The following SVBP variants were observed in gnomAD, a reference collection of about 807,000 sequenced individuals.
SVBP encodes small vasohibin binding protein.
SVBP carries 9 observed loss-of-function variants against 9.2 expected under a neutral mutation model. The ratio of observed to expected loss-of-function variants is 0.98; its 90% CI spans 0.59 to 1.71. The LOEUF (loss-of-function observed/expected upper bound fraction) is 1.71, where lower values mean the gene tolerates loss of function less well. SVBP is among the 40% of genes most tolerant of loss of function. The probability of loss-of-function intolerance (pLI) is 0.00; values close to 1 mark genes in which losing one functional copy is unlikely to be tolerated. For synonymous variants in SVBP, 27 were observed against 23.9 expected, an observed-to-expected ratio of 1.13 and a Z score of -0.37; for missense variants, 63 against 73.2, an observed-to-expected ratio of 0.86 and a Z score of 0.51.
intron 2 of SVBP, among the ~76,000 whole-genome samples, chr1:42,811,030 TC>T (rs1163474124): frequency 6.6e-6 from 1 of 152,038 alleles, no homozygotes; most frequent in African/African-American, 2.4e-5. Flanking sequence ...TCCCAGCTAC[TC>T]AGGAGGCTGA....
Position 42,817,273 on chromosome 1 carries a change from G to T in SVBP, c.-120C>A. 8.1e-7 allele frequency: 1 copy of T among 1,232,626 alleles called. No homozygotes were observed. Among genetic ancestry groups the T allele is most frequent in the Non-Finnish European group, 1.0e-6 (1 of 958,562 alleles). The allele number at this position is 1,232,626 out of a possible 1,614,324, so 76.4% of individuals were successfully genotyped here. ...GGGAGGGTAATCCTCGCCTTCCCCC[G>T]ACCACTGGACCCAGCGCTGCCTGCC... is the stretch of plus-strand genomic sequence containing the variant. On this transcript the variant is annotated 5_prime_UTR_variant, in exon 1 of 3. Coordinates refer to ENST00000372521, the MANE Select transcript of SVBP (RefSeq NM_199342.4).
At chr1:42,811,808 C>G (rs1337447521) in intron 2 of SVBP, among the ~76,000 whole-genome samples, 1 of 152,082 alleles carries the variant, frequency 6.6e-6, no homozygotes, top group Non-Finnish European at 1.5e-5. Flanking sequence ...GATTTGAAGT[C>G]AGACAAATAA....
At chr1:42,808,425 GTATA>G (rs536738348) in intron 2 of SVBP, among the ~76,000 whole-genome samples, 3 of 141,794 alleles carry the variant, frequency 2.1e-5, no homozygotes, top group Non-Finnish European at 4.6e-5. Context: ...ACTGTATACA[GTATA>G]TATATAAGCT....
At chr1:42,809,516 A>G (rs12097143) in intron 2 of SVBP, among the ~76,000 whole-genome samples, 3,999 of 152,326 alleles carry the variant, frequency 0.026, 194 homozygotes, top group African/African-American at 0.091. Context: ...AACTAGAAAG[A>G]AGACTTAACT....
At chr1:42,810,113 CACAT>C (rs1175908748) in intron 2 of SVBP, among the ~76,000 whole-genome samples, 116 of 135,750 alleles carry the variant, frequency 8.5e-4, no homozygotes, top group African/African-American at 2.0e-3. Context: ...CACACACACA[CACAT>C]ACATACATAC....
intron 2 of SVBP, chr1:42,816,193 G>T: frequency 2.2e-6 from 1 of 455,100 alleles, no homozygotes; most frequent in Non-Finnish European, 3.9e-6. Flanking sequence ...CCTTCCCTTG[G>T]GTCTCTTACC....
rs323715 is a variant in SVBP, at chr1:42,812,315, G to A, written c.114+4116C>T. On this transcript the variant is annotated intron_variant, in intron 2 of 2. Transcript: ENST00000372521. ...GAATAAGAATGAAAGGTGAAAAGCT[G>A]GTGGATGCCATGCAGAGCGAGGACT... Among the ~76,000 whole-genome samples the A allele has an allele frequency of 3.2e-3, 483 of 152,340 alleles. 6 individuals are homozygous for A. The South Asian group carries it at 0.032, about 10-fold the overall frequency.
intron 2 of SVBP, among the ~76,000 whole-genome samples, chr1:42,809,286 T>C (rs910976243): frequency 4.6e-5 from 7 of 151,908 alleles, no homozygotes; most frequent in East Asian, 1.9e-4. Flanking sequence ...ACTTGATTAA[T>C]TGAAAAGACA....
At chr1:42,817,013 G>A (rs1027105813) in intron 1 of SVBP, 177 bp downstream of exon 1, 3 of 324,984 alleles carry the variant, frequency 9.2e-6, no homozygotes, top group African/African-American at 6.8e-5. Flanking sequence ...AGCCGCTCCT[G>A]GGGCCAGGGG....
chr1:42,808,137 GTGTGTGTGTGTGTATA>G (rs765217693), intron 2 of SVBP, among the ~76,000 whole-genome samples: 2 of 36,082 alleles, frequency 5.5e-5, no homozygotes, highest in African/African-American at 1.5e-4. Context: ...TGAATATAGT[GTGTGTGTGTGTGTATA>G]TATATATATA....
rs566521368 is a variant in SVBP at position 42,810,488 on chromosome 1, T to A, written c.115-2988A>T. Among the ~76,000 whole-genome samples, 19 of 152,196 alleles carry A rather than the reference T, an allele frequency of 1.2e-4. No individual in the cohort carries two copies. In the East Asian group the frequency reaches 3.7e-3, roughly 29 times the overall value. ...TATTTGAAAACCTCTGCTTGCTTCA[T>A]TCACTAAGTATTTACTGAGCATTTT... On this transcript the variant is annotated intron_variant, in intron 2 of 2. Transcript: ENST00000372521.
chr1:42,815,162 G>A (rs2124253682), intron 2 of SVBP, among the ~76,000 whole-genome samples: 1 of 140,574 alleles, frequency 7.1e-6, no homozygotes, highest in South Asian at 2.2e-4. Flanking sequence ...GGTGGGAACT[G>A]AACAATGAGA....
chr1:42,817,122 C>T (rs1654240686), intron 1 of SVBP, 68 bp downstream of exon 1: 2 of 1,171,196 alleles, frequency 1.7e-6, no homozygotes, highest in African/African-American at 1.6e-5. Flanking sequence ...GCCTCCTGCC[C>T]TCTTCCCTCT....
intron 2 of SVBP, among the ~76,000 whole-genome samples, chr1:42,814,488 C>T (rs985081574): frequency 1.3e-5 from 2 of 151,966 alleles, no homozygotes; most frequent in Non-Finnish European, 2.9e-5. Flanking sequence ...CAGTGGTGCA[C>T]GCCTGTAATC....
Position 42,817,285 on chromosome 1 carries a change from C to T in SVBP, c.-132G>A. ...CTCGCCTTCCCCCGACCACTGGACC[C>T]AGCGCTGCCTGCCCACCGCCCCTCG... is the stretch of plus-strand genomic sequence containing the variant. On this transcript the variant is annotated 5_prime_UTR_variant, in exon 1 of 3. Transcript: ENST00000372521. 2 of 1,217,430 alleles carry T rather than the reference C, an allele frequency of 1.6e-6. No homozygotes were observed. Among genetic ancestry groups the T allele is most frequent in the Non-Finnish European group, 1.1e-6 (1 of 947,640 alleles). 75.4% of individuals were successfully genotyped at this position (1,217,430 alleles called of 1,614,324 possible).
chr1:42,811,434 C>T (rs1318521815), intron 2 of SVBP, among the ~76,000 whole-genome samples: 1 of 152,134 alleles, frequency 6.6e-6, no homozygotes. Flanking sequence ...AGGCTTGGCT[C>T]GGTCCTGGCA....
rs181002114 is a variant in SVBP, at chr1:42,810,069, T to A, written c.115-2569A>T. 2.0e-3 allele frequency among the ~76,000 whole-genome samples: 296 copies of A among 151,020 alleles called. 1 individual carries two copies. Among genetic ancestry groups the A allele is most frequent in the African/African-American group, 6.9e-3 (283 of 41,122 alleles). ...TTGGGTGTTTTATTCTTAAGCCACA[T>A]ACACACATTATATAAATATACTTTT... On this transcript the variant is annotated intron_variant, in intron 2 of 2. Transcript: ENST00000372521.
chr1:42,809,484 G>A (rs1343369818), intron 2 of SVBP, among the ~76,000 whole-genome samples: 3 of 151,986 alleles, frequency 2.0e-5, no homozygotes, highest in Non-Finnish European at 2.9e-5. Flanking sequence ...AAAGGGAGTG[G>A]GCACAAATAA....
At position 42,817,328 on chromosome 1, in the gene SVBP, C is replaced by CCCCTCCCCCCG; in HGVS notation, c.-176_-175insCGGGGGGAGGG. ...GCCCCTCGTCCTGGGCGGGGCCGCG[C>CCCCTCCCCCCG]GCCGGGGGGAGGGGCGCAGGGCCGA... On this transcript the variant is annotated 5_prime_UTR_variant, in exon 1 of 3. Transcript: ENST00000372521. The CCCCTCCCCCCG allele has an allele frequency of 9.3e-7, 1 of 1,076,372 alleles. No homozygotes were observed. The highest frequency in any genetic ancestry group is 1.2e-6 in the Non-Finnish European group (1 of 837,528). 66.7% of individuals were successfully genotyped at this position (1,076,372 alleles called of 1,614,324 possible).
Sources: allele counts gnomAD v4.1 joint callset (sites outside exome capture counted in the v4.1 genomes callset), GRCh38; gene constraint gnomAD v4.1.1; transcripts MANE v1.5; gene names NCBI Gene and HGNC (gene_info 2026-07-23, HGNC 2026-07-21).